Variants in AKAP13 observed in about 807,000 individuals in gnomAD.
AKAP13 encodes A-kinase anchor protein 13.
AKAP13 carries 80 observed loss-of-function variants against 264.5 expected under a neutral mutation model. That is an observed-to-expected ratio of 0.30 (90% CI 0.25 to 0.36). AKAP13 has a LOEUF of 0.36. Ranked by LOEUF, AKAP13 falls within the 10% of genes least tolerant of loss-of-function variation. AKAP13 has a pLI of 1.00. For missense variants in AKAP13, 3,712 were observed against 3,435.2 expected (o/e 1.08, Z -2.01); for synonymous variants, 1,380 against 1,250.2 (o/e 1.10, Z -2.19).
intron 1 of AKAP13, among the ~76,000 whole-genome samples, chr15:85,445,959 G>T (rs2073884068): frequency 6.6e-6 from 1 of 152,124 alleles, no homozygotes; most frequent in South Asian, 2.1e-4. Context: ...TTTAACATTT[G>T]TGTTGGGAAC....
At chr15:85,476,838 A>C in intron 1 of AKAP13, among the ~76,000 whole-genome samples, 1 of 152,280 alleles carries the variant, frequency 6.6e-6, no homozygotes, top group East Asian at 1.9e-4. Context: ...TGGCTTGTCT[A>C]TCGTTGTTGT....
intron 1 of AKAP13, among the ~76,000 whole-genome samples, chr15:85,469,958 A>G (rs533659916): frequency 2.0e-5 from 3 of 152,302 alleles, no homozygotes; most frequent in African/African-American, 4.8e-5. Flanking sequence ...GCCTTCAATA[A>G]TCTCTCTTCC....
At chr15:85,571,217 A>G (rs80036674) in intron 5 of AKAP13, among the ~76,000 whole-genome samples, 26,570 of 152,012 alleles carry the variant, frequency 0.17, 2,547 homozygotes, top group Non-Finnish European at 0.22. Flanking sequence ...GTATATCTCA[A>G]CCACGCTGAT....
chr15:85,439,375 C>A (rs1379419862), intron 1 of AKAP13, among the ~76,000 whole-genome samples: 2 of 151,442 alleles, frequency 1.3e-5, no homozygotes, highest in Non-Finnish European at 2.9e-5. Flanking sequence ...GTTGGTGGGA[C>A]TGTAAACTAG....
chr15:85,580,280 G>T lies in AKAP13; in HGVS notation c.2212G>T (p.Asp738Tyr). 2 of 1,614,180 alleles carry T rather than the reference G, an allele frequency of 1.2e-6. No individual in the cohort carries two copies. Among genetic ancestry groups the T allele is most frequent in the Non-Finnish European group, 1.7e-6 (2 of 1,180,040 alleles). ...GGATTTTTGTCCTTTCAAAGTGGTG[G>T]ATAACAAAGGCCAACGAAAAGATGT... ...RADFCPFKVV[D>Y]NKGQRKDVKL... The change falls in exon 7 of 37, where the codon GAT (aspartate) becomes TAT (tyrosine). Residue 738 changes from aspartate (D) to tyrosine (Y), a missense_variant. Coordinates refer to ENST00000394518, the MANE Select transcript of AKAP13 (RefSeq NM_007200.5).
intron 8 of AKAP13, among the ~76,000 whole-genome samples, chr15:85,617,335 C>T (rs1411470010): frequency 6.6e-6 from 1 of 152,220 alleles, no homozygotes; most frequent in African/African-American, 2.4e-5. Context: ...CCTCCGCCTC[C>T]GAGGTTCAAA....
At chr15:85,582,187 T>A in intron 7 of AKAP13, 80 bp downstream of exon 7, 3 of 1,444,086 alleles carry the variant, frequency 2.1e-6, no homozygotes, top group Non-Finnish European at 2.7e-6. Flanking sequence ...GGTAAAAATA[T>A]AGGCATCTTT....
chr15:85,643,148 A>T (rs935653837), intron 9 of AKAP13, among the ~76,000 whole-genome samples: 4 of 151,882 alleles, frequency 2.6e-5, no homozygotes, highest in South Asian at 2.1e-4. Flanking sequence ...TTTTTTTTTT[A>T]AATGAAAGAT....
At chr15:85,396,752 C>T (rs77271066) in intron 1 of AKAP13, among the ~76,000 whole-genome samples, 1,741 of 152,210 alleles carry the variant, frequency 0.011, 37 homozygotes, top group African/African-American at 0.04. Context: ...GTTTTCCTTT[C>T]AGCAGAGTAA....
chr15:85,448,106 A>T (rs1056759264), intron 1 of AKAP13, among the ~76,000 whole-genome samples: 1 of 151,834 alleles, frequency 6.6e-6, no homozygotes, highest in East Asian at 1.9e-4. Context: ...TTTGATTTGC[A>T]TTTCTCTAAT....
chr15:85,475,938 G>C (rs1333785873), intron 1 of AKAP13, among the ~76,000 whole-genome samples: 2 of 152,186 alleles, frequency 1.3e-5, no homozygotes, highest in African/African-American at 4.8e-5. Context: ...AGCAGTAGTG[G>C]TGTGGAGGGT....
intron 1 of AKAP13, among the ~76,000 whole-genome samples, chr15:85,431,755 A>G (rs2073032349): frequency 6.6e-6 from 1 of 152,238 alleles, no homozygotes; most frequent in Non-Finnish European, 1.5e-5. Context: ...AGTGGTTTAC[A>G]TTTTACAATA....
chr15:85,619,464 C>T, intron 8 of AKAP13: 1 of 985,284 alleles, frequency 1.0e-6, no homozygotes, highest in Non-Finnish European at 1.2e-6. Context: ...GCCTGGTGAG[C>T]AAGAGAGATT....
intron 1 of AKAP13, among the ~76,000 whole-genome samples, chr15:85,442,532 A>ATT (rs563855431): frequency 0.013 from 1,664 of 124,178 alleles, 19 homozygotes; most frequent in African/African-American, 0.025. Flanking sequence ...TATTATATAT[A>ATT]ATATATATTA....
intron 16 of AKAP13, among the ~76,000 whole-genome samples, chr15:85,688,043 A>T (rs2085049813): frequency 6.6e-6 from 1 of 151,950 alleles, no homozygotes; most frequent in African/African-American, 2.4e-5. Context: ...AAAAAAAAAA[A>T]AAAAAAGAGA....
intron 12 of AKAP13, among the ~76,000 whole-genome samples, chr15:85,660,088 C>G (rs1010985061): frequency 2.0e-5 from 3 of 152,130 alleles, no homozygotes; most frequent in Admixed American, 1.3e-4. Context: ...CACGGTGGCT[C>G]ACGCCTGTAA....
intron 1 of AKAP13, among the ~76,000 whole-genome samples, chr15:85,459,554 C>T (rs1056908982): frequency 2.6e-5 from 4 of 151,674 alleles, no homozygotes; most frequent in Non-Finnish European, 5.9e-5. Flanking sequence ...GGCTGGAGTG[C>T]AGTGGTGCAA....
chr15:85,670,141 G>A (rs2151565478), intron 14 of AKAP13, among the ~76,000 whole-genome samples: 1 of 151,962 alleles, frequency 6.6e-6, no homozygotes, highest in South Asian at 2.1e-4. Context: ...AATATTCACT[G>A]GGGAAAAAAT....
chr15:85,585,750 C>T lies in AKAP13; in HGVS notation c.4088C>T (p.Ser1363Leu), dbSNP rs911991539. 4 of 1,614,004 alleles carry T rather than the reference C, an allele frequency of 2.5e-6. No individual in the cohort carries two copies. In the African/African-American group the frequency reaches 4.0e-5, roughly 16 times the overall value. ...AEDEVDFRAS[S>L]ISEEVAVGSI... is the part of the protein sequence containing the mutation. ...GATGAAGTGGATTTTAGAGCAAGTT[C>T]AATTTCTGAAGAAGTGGCTGTAGGG... The change falls in exon 8 of 37, where the codon TCA becomes TTA. Residue 1363 changes from serine to leucine, a missense_variant. By Grantham distance (145) the Ser-to-Leu change is moderately radical. Around this residue, in one of 3 missense-constraint regions of AKAP13, gnomAD observed 2,759 missense variants for 2,411.7 expected, o/e 1.14. Coordinates refer to ENST00000394518, the MANE Select transcript of AKAP13 (RefSeq NM_007200.5).
Sources: gnomAD v4.1 joint callset for allele counts (sites outside exome capture counted in the v4.1 genomes callset) on GRCh38, gnomAD v4.1.1 for gene constraint, gnomAD v4.1.1 regional missense constraint, MANE v1.5 for transcripts, NCBI Gene and HGNC (gene_info 2026-07-23, HGNC 2026-07-21) for gene names.